Variants in LRP8 observed in about 807,000 individuals in gnomAD.
The protein encoded by LRP8 is LDL receptor related protein 8, also known as low-density lipoprotein receptor-related protein 8.
Under a neutral mutation model 111.6 loss-of-function variants are expected in LRP8, and 46 were observed. The ratio of observed to expected loss-of-function variants is 0.41; its 90% CI spans 0.33 to 0.53. The LOEUF is 0.53. Ranked by LOEUF, LRP8 falls within the 20% of genes least tolerant of loss-of-function variation. The pLI is 0.20. For missense variants in LRP8, 959 were observed against 1,297.4 expected, an observed-to-expected ratio of 0.74 and a Z score of 4.01; for synonymous variants, 464 against 511.2, an observed-to-expected ratio of 0.91 and a Z score of 1.24.
intron 2 of LRP8, among the ~76,000 whole-genome samples, chr1:53,321,634 C>G (rs1392955965): frequency 1.3e-5 from 2 of 152,180 alleles, no homozygotes; most frequent in African/African-American, 2.4e-5. Context: ...CGGCCACCAG[C>G]AGACAACTGG....
rs1054566894 is a variant in LRP8, at chr1:53,246,365, C to T, written c.*653G>A. 2 of 152,094 alleles carry T rather than the reference C, an allele frequency of 1.3e-5. No individual in the cohort carries two copies. The highest frequency in any genetic ancestry group is 4.8e-5 in the African/African-American group (2 of 41,392). 9.4% of individuals were successfully genotyped at this position (152,094 alleles called of 1,614,324 possible). On this transcript the variant is annotated 3_prime_UTR_variant, in exon 19 of 19. Transcript: ENST00000306052. The stretch of plus-strand genomic sequence containing the variant: ...TATTTGAACAGTAGCCATAGATGTG[C>T]CTCTTCTCTACAGATTTTTCTGTCA...
rs1004748747 is a variant in LRP8, at chr1:53,293,209, C to A, written c.245-3520G>T. ...TCTTGTCCTCCTCCATGTGCCAAGC[C>A]CTGGCAGGCACTGGGCAAGGAGGCC... On this transcript the variant is annotated intron_variant, in intron 2 of 18. Transcript: ENST00000306052. The surrounding 1 kb of genome is among the most constrained non-coding windows in gnomAD (Gnocchi z 4.9). 2.6e-5 allele frequency among the ~76,000 whole-genome samples: 4 copies of A among 152,234 alleles called. No individual in the cohort carries two copies. Among genetic ancestry groups the A allele is most frequent in the African/African-American group, 7.2e-5 (3 of 41,456 alleles).
In LRP8 at chr1:53,296,830, TG is replaced by T. The variant is rs1649817189; in HGVS notation, c.245-7142del. ...CACTACCAGAGCCACCCTCTCAGGC[TG>T]TGGCGGGTCCTGGCATGGAGCTGGG... On this transcript the variant is annotated intron_variant, in intron 2 of 18. Transcript: ENST00000306052. Among the ~76,000 whole-genome samples the T allele has an allele frequency of 4.6e-5, 7 of 152,320 alleles. No individual in the cohort carries two copies. In the East Asian group the frequency reaches 1.2e-3, roughly 25 times the overall value.
intron 2 of LRP8, among the ~76,000 whole-genome samples, chr1:53,308,997 G>A (rs184794725): frequency 1.5e-3 from 222 of 152,282 alleles, no homozygotes; most frequent in African/African-American, 4.8e-3. Context: ...TCCATGGGCC[G>A]GGCACGGTGG....
chr1:53,280,484 C>G, intron 4 of LRP8, 103 bp downstream of exon 4: 1 of 1,474,152 alleles, frequency 6.8e-7, no homozygotes, highest in Non-Finnish European at 9.2e-7. Context: ...TCTCCACCAC[C>G]AAGCCCCACG....
chr1:53,321,527 G>A (rs764397569), intron 2 of LRP8, among the ~76,000 whole-genome samples: 7 of 152,136 alleles, frequency 4.6e-5, no homozygotes, highest in African/African-American at 7.2e-5. Flanking sequence ...TGTTCCATCC[G>A]CCCTCTGGGC....
At chr1:53,281,624 G>A (rs1647113015) in intron 3 of LRP8, among the ~76,000 whole-genome samples, 1 of 152,234 alleles carries the variant, frequency 6.6e-6, no homozygotes, top group Non-Finnish European at 1.5e-5. Context: ...CTCCAGCATA[G>A]AGGCGGAGAA....
At chr1:53,255,019 G>T in intron 16 of LRP8, 98 bp downstream of exon 16, 1 of 1,302,270 alleles carries the variant, frequency 7.7e-7, no homozygotes, top group Non-Finnish European at 1.1e-6. Flanking sequence ...GGCAGAACAA[G>T]TCAATAGGGC....
chr1:53,307,786 T>C (rs1652261065), intron 2 of LRP8, among the ~76,000 whole-genome samples: 1 of 152,244 alleles, frequency 6.6e-6, no homozygotes. Flanking sequence ...TTTTTTAAAA[T>C]TCTAGGTACC....
At chr1:53,258,675 G>C (rs1278753063) in intron 13 of LRP8, among the ~76,000 whole-genome samples, 1 of 151,444 alleles carries the variant, frequency 6.6e-6, no homozygotes, top group African/African-American at 2.4e-5. Context: ...GAATTATATA[G>C]TGGTGAATTC....
At chr1:53,301,833 T>G (rs1191023947) in intron 2 of LRP8, among the ~76,000 whole-genome samples, 6 of 151,604 alleles carry the variant, frequency 4.0e-5, no homozygotes, top group Admixed American at 3.9e-4. Context: ...AAGGAAAAAG[T>G]GAGAGGTGGA....
At chr1:53,325,803 G>T (rs537618120) in intron 2 of LRP8, among the ~76,000 whole-genome samples, 1 of 152,358 alleles carries the variant, frequency 6.6e-6, no homozygotes, top group South Asian at 2.1e-4. Context: ...GGCAGGGCTG[G>T]CCTGTCTTGG....
rs1645927313 is a variant in LRP8, at chr1:53,252,426, C to T, written c.2504-1564G>A. Reference sequence around the variant, plus strand: ...TGGTGCATGCCTGTAGTCCCAGCTACTCGGGATGCTGAGGCAGGAGAATCC... The same window carrying T: ...TGGTGCATGCCTGTAGTCCCAGCTATTCGGGATGCTGAGGCAGGAGAATCC... On this transcript the variant is annotated intron_variant, in intron 16 of 18. Transcript: ENST00000306052. Among the ~76,000 whole-genome samples, 4 of 152,062 alleles carry T rather than the reference C, an allele frequency of 2.6e-5. No individual in the cohort carries two copies. In the South Asian group the frequency reaches 8.3e-4, roughly 32 times the overall value.
At chr1:53,252,460 C>T (rs1018850446) in intron 16 of LRP8, among the ~76,000 whole-genome samples, 1 of 151,786 alleles carries the variant, frequency 6.6e-6, no homozygotes. Context: ...CCCTTGAGCC[C>T]AGGAGTTCGA....
Position 53,276,684 on chromosome 1 carries a change from GGGCTTACGGCAGTC to G in LRP8, c.877_883+7del, listed in dbSNP as rs1284734962. The G allele has an allele frequency of 6.5e-7, 1 of 1,537,220 alleles. No individual in the cohort carries two copies. Among genetic ancestry groups the G allele is most frequent in the Non-Finnish European group, 8.7e-7 (1 of 1,145,712 alleles). On this transcript the variant is annotated splice_donor_variant and splice_donor_5th_base_variant and coding_sequence_variant and intron_variant, in exon 5 of 19. Transcript: ENST00000306052. LOFTEE classifies it high-confidence loss of function. ...TGGGCGGGGCTGGGCGGTATGGAGG[GGGCTTACGGCAGTC>G]GGCCTCGTCCGATTTGTCTTTGCAG...
chr1:53,269,311 A>G (rs928887801), intron 8 of LRP8, among the ~76,000 whole-genome samples: 1 of 151,002 alleles, frequency 6.6e-6, no homozygotes, highest in Non-Finnish European at 1.5e-5. Flanking sequence ...CTTTTTATTT[A>G]TTATTATTAT....
intron 2 of LRP8, among the ~76,000 whole-genome samples, chr1:53,301,862 A>G (rs769046693): frequency 4.6e-5 from 7 of 152,230 alleles, no homozygotes; most frequent in Non-Finnish European, 5.9e-5. Context: ...CAGAGAGTCT[A>G]TAGCCAAACT....
chr1:53,298,551 A>G (rs1393537351), intron 2 of LRP8, among the ~76,000 whole-genome samples: 2 of 152,316 alleles, frequency 1.3e-5, no homozygotes, highest in Non-Finnish European at 2.9e-5. Context: ...TGTGGGTTCC[A>G]GAGAAACAGC....
At position 53,246,970 on chromosome 1, in the gene LRP8, A is replaced by T; in HGVS notation, c.*48T>A. ...TCCAGTCATACACCATCCAGAGTGTAGTGCATGGGACTGAATTCCATGAGG... is the reference window on the plus strand; with the variant it reads ...TCCAGTCATACACCATCCAGAGTGTTGTGCATGGGACTGAATTCCATGAGG... On this transcript the variant is annotated 3_prime_UTR_variant, in exon 19 of 19. Transcript: ENST00000306052. The T allele has an allele frequency of 6.6e-7, 1 of 1,522,784 alleles. No homozygotes were observed. Among genetic ancestry groups the T allele is most frequent in the Non-Finnish European group, 9.1e-7 (1 of 1,101,248 alleles). The allele number at this position is 1,522,784 out of a possible 1,614,324, so 94.3% of individuals were successfully genotyped here.
Sources: allele counts gnomAD v4.1 joint callset (sites outside exome capture counted in the v4.1 genomes callset), GRCh38; gene constraint gnomAD v4.1.1; non-coding constraint Gnocchi (gnomAD v3.1); transcripts MANE v1.5; gene names NCBI Gene and HGNC (gene_info 2026-07-23, HGNC 2026-07-21).